The following DNAI3 variants were observed in gnomAD, a reference collection of about 807,000 sequenced individuals.
DNAI3 encodes the protein dynein axonemal intermediate chain 3.
Under a neutral mutation model 115.5 loss-of-function variants are expected in DNAI3, and 83 were observed. That is an observed-to-expected ratio of 0.72 (90% CI 0.60 to 0.86). The LOEUF (loss-of-function observed/expected upper bound fraction) is 0.86. DNAI3 is among the 40% of genes least tolerant of loss of function. DNAI3 has a pLI of 0.00. For synonymous variants in DNAI3, 320 were observed against 347.0 expected (o/e 0.92, Z 0.86); for missense variants, 1,004 against 1,075.8 (o/e 0.93, Z 0.93).
chr1:85,111,494 C>T (rs553491560), intron 16 of DNAI3, among the ~76,000 whole-genome samples: 4 of 152,102 alleles, frequency 2.6e-5, no homozygotes, highest in Non-Finnish European at 5.9e-5. Flanking sequence ...TTGTAATTTG[C>T]TTACTTTGTG....
At chr1:85,098,788 A>C in intron 13 of DNAI3, 130 bp downstream of exon 13, 1 of 1,349,226 alleles carries the variant, frequency 7.4e-7, no homozygotes, top group Non-Finnish European at 1.0e-6. Context: ...TAAGCATCAA[A>C]AAATGGGGTT....
intron 16 of DNAI3, among the ~76,000 whole-genome samples, chr1:85,116,360 C>T (rs1655816272): frequency 6.6e-6 from 1 of 152,166 alleles, no homozygotes; most frequent in African/African-American, 2.4e-5. Flanking sequence ...TTTATCGCAC[C>T]TTTGCCTCTT....
At chr1:85,096,063 AC>A in intron 11 of DNAI3, 43 bp downstream of exon 11, 3 of 1,569,418 alleles carry the variant, frequency 1.9e-6, no homozygotes, top group Non-Finnish European at 2.6e-6. Context: ...AATGTAGACA[AC>A]CTTTGGTAAT....
At chr1:85,098,395 GA>G (rs1655190104) in intron 12 of DNAI3, 134 bp from the exon 13 acceptor site, 5 of 1,047,664 alleles carry the variant, frequency 4.8e-6, no homozygotes, top group Non-Finnish European at 6.8e-6. Context: ...ATGATATAGA[GA>G]AACACTAATT....
At chr1:85,103,436 A>ACTTAGGCT (rs1285794040) in intron 13 of DNAI3, among the ~76,000 whole-genome samples, 4 of 152,046 alleles carry the variant, frequency 2.6e-5, no homozygotes, top group Admixed American at 2.6e-4. Flanking sequence ...CTCATTTAAC[A>ACTTAGGCT]CTTAGCCTCT....
chr1:85,120,487 C>T (rs6576752), intron 17 of DNAI3, among the ~76,000 whole-genome samples: 118,455 of 152,172 alleles, frequency 0.78, 46,804 homozygotes, highest in South Asian at 0.92. Flanking sequence ...ACTGATGATA[C>T]GATGAGCCTT....
chr1:85,106,410 A>G (rs888908592), intron 14 of DNAI3, among the ~76,000 whole-genome samples: 3 of 152,232 alleles, frequency 2.0e-5, no homozygotes, highest in Non-Finnish European at 4.4e-5. Flanking sequence ...AACTCTTACC[A>G]TGCAACAATA....
At chr1:85,064,516 A>G (rs1654033281) in intron 1 of DNAI3, among the ~76,000 whole-genome samples, 4 of 152,238 alleles carry the variant, frequency 2.6e-5, no homozygotes, top group Admixed American at 1.3e-4. Flanking sequence ...CTGAGAATCA[A>G]TAGTTCTTGC....
At chr1:85,118,485 G>T (rs577276288) in intron 17 of DNAI3, among the ~76,000 whole-genome samples, 56 of 152,290 alleles carry the variant, frequency 3.7e-4, no homozygotes, top group African/African-American at 1.3e-3. Context: ...TACAGAGGCA[G>T]AGATGCTCTT....
chr1:85,106,938 A>T (rs1222638377), intron 14 of DNAI3, among the ~76,000 whole-genome samples: 1 of 152,202 alleles, frequency 6.6e-6, no homozygotes, highest in Non-Finnish European at 1.5e-5. Context: ...AGAAGAAAAC[A>T]TAGTCACGTA....
At chr1:85,081,079 AT>A (rs1654619671) in intron 3 of DNAI3, among the ~76,000 whole-genome samples, 154 bp from the exon 4 acceptor site, 1 of 152,214 alleles carries the variant, frequency 6.6e-6, no homozygotes, top group South Asian at 2.1e-4. Context: ...CATTTAAAAA[AT>A]AATGGATATA....
chr1:85,074,167 T>C (rs769578205), intron 3 of DNAI3, among the ~76,000 whole-genome samples: 8 of 152,164 alleles, frequency 5.3e-5, no homozygotes, highest in Non-Finnish European at 1.0e-4. Context: ...TCATATTATC[T>C]TCCCACCTGC....
intron 22 of DNAI3, among the ~76,000 whole-genome samples, chr1:85,131,754 G>A (rs576956980): frequency 6.6e-6 from 1 of 152,198 alleles, no homozygotes; most frequent in South Asian, 2.1e-4. Context: ...AATTATCCAC[G>A]ATTATTATGA....
At chr1:85,079,193 G>T (rs773448931) in intron 3 of DNAI3, among the ~76,000 whole-genome samples, 1 of 152,164 alleles carries the variant, frequency 6.6e-6, no homozygotes, top group South Asian at 2.1e-4. Context: ...AGGAGTACTT[G>T]ATTCGAATCA....
Position 85,094,416 on chromosome 1 carries a change from A to G in DNAI3, c.1049-15A>G, listed in dbSNP as rs1381653708. ...AGTTGCTGCCAACTTTAATTTCTAC[A>G]TGTGTTTCCATCAGGGCTAATAGCT... is the stretch of plus-strand genomic sequence containing the variant. On this transcript the variant is annotated splice_polypyrimidine_tract_variant and intron_variant, in intron 9 of 22. Transcript: ENST00000294664. 2 of 1,613,912 alleles carry G rather than the reference A, an allele frequency of 1.2e-6. No homozygotes were observed. Among genetic ancestry groups the G allele is most frequent in the Non-Finnish European group, 1.7e-6 (2 of 1,179,940 alleles).
chr1:85,127,651 G>C (rs1656187894), intron 20 of DNAI3, among the ~76,000 whole-genome samples: 1 of 152,132 alleles, frequency 6.6e-6, no homozygotes, highest in African/African-American at 2.4e-5. Context: ...TCAGCATCTT[G>C]AGTGTCACAG....
At chr1:85,124,327 C>A in intron 19 of DNAI3, 76 bp downstream of exon 19, 1 of 1,599,318 alleles carries the variant, frequency 6.3e-7, no homozygotes, top group South Asian at 1.1e-5. Context: ...CTGTTATGTT[C>A]TGACATAATA....
At chr1:85,098,194 C>A (rs1655184459) in intron 12 of DNAI3, among the ~76,000 whole-genome samples, 1 of 152,146 alleles carries the variant, frequency 6.6e-6, no homozygotes, top group South Asian at 2.1e-4. Context: ...AGTTCTTCAG[C>A]CTTAACATCA....
intron 1 of DNAI3, among the ~76,000 whole-genome samples, chr1:85,069,188 C>G (rs984033652): frequency 1.3e-5 from 2 of 152,160 alleles, no homozygotes; most frequent in Admixed American, 1.3e-4. Flanking sequence ...TTGCTGTTTT[C>G]TTAAATATGC....
Sources: allele counts gnomAD v4.1 joint callset (sites outside exome capture counted in the v4.1 genomes callset), GRCh38; gene constraint gnomAD v4.1.1; transcripts MANE v1.5; gene names NCBI Gene and HGNC (gene_info 2026-07-23, HGNC 2026-07-21).